Variants in PTPRD observed in about 807,000 individuals in gnomAD.
PTPRD encodes protein tyrosine phosphatase receptor type D.
Under a neutral mutation model 214.5 loss-of-function variants are expected in PTPRD, and 34 were observed. The observed-to-expected ratio is 0.16, with a 90% CI of 0.12 to 0.21. The LOEUF is 0.21. PTPRD is among the 10% of genes least tolerant of loss of function. The probability of loss-of-function intolerance (pLI) is 1.00; values close to 1 mark genes in which losing one functional copy is unlikely to be tolerated. For missense variants in PTPRD, 2,545 were observed against 2,398.7 expected (o/e 1.06, Z -1.27); for synonymous variants, 1,128 against 845.7 (o/e 1.33, Z -5.79).
chr9:10,279,005 GCC>G (rs2094922465), intron 3 of PTPRD, among the ~76,000 whole-genome samples: 1 of 151,958 alleles, frequency 6.6e-6, no homozygotes. Flanking sequence ...CGATCTCCTG[GCC>G]TCGTGATCTG....
chr9:10,503,805 G>A (rs1249028998), intron 2 of PTPRD, among the ~76,000 whole-genome samples: 1 of 151,870 alleles, frequency 6.6e-6, no homozygotes, highest in African/African-American at 2.4e-5. Context: ...GGTAAGGAAA[G>A]AGACTGTAAT....
At chr9:9,593,099 A>C (rs2092910433) in intron 7 of PTPRD, among the ~76,000 whole-genome samples, 1 of 150,620 alleles carries the variant, frequency 6.6e-6, no homozygotes, top group Non-Finnish European at 1.5e-5. Flanking sequence ...GAAGAAAGAC[A>C]GAGAGAGAGA....
At chr9:9,106,365 A>C (rs1408022029) in intron 10 of PTPRD, among the ~76,000 whole-genome samples, 1 of 151,952 alleles carries the variant, frequency 6.6e-6, no homozygotes, top group East Asian at 1.9e-4. Flanking sequence ...GATTCTTATA[A>C]ATATTAATAC....
chr9:10,528,319 C>T (rs143286231), intron 2 of PTPRD, among the ~76,000 whole-genome samples: 180 of 152,252 alleles, frequency 1.2e-3, no homozygotes, highest in African/African-American at 4.1e-3. Context: ...TCTGGACCTC[C>T]CCATCTCCAG....
At chr9:9,273,247 T>G (rs910138875) in intron 9 of PTPRD, among the ~76,000 whole-genome samples, 1 of 151,276 alleles carries the variant, frequency 6.6e-6, no homozygotes, top group Non-Finnish European at 1.5e-5. Context: ...AACTACCAAA[T>G]AAATGGAACT....
Position 8,436,680 on chromosome 9 carries a change from C to G in PTPRD, c.3998G>C (p.Ser1333Thr). The G allele has an allele frequency of 2.5e-6, 4 of 1,611,090 alleles. No homozygotes were observed. Among genetic ancestry groups the G allele is most frequent in the Non-Finnish European group, 3.4e-6 (4 of 1,178,632 alleles). The part of the protein sequence containing the change: ...RLNFQTPGMA[S>T]HPPIPILELA... ...TTCCAAGATGGGTATTGGAGGATGG[C>G]TAGCCATACCTATTGAAAAAAGCAA... Residue 1333 changes from serine (S) to threonine (T), a missense_variant, in exon 35 of 46, where the codon AGC (serine) becomes ACC (threonine). By Grantham distance (58) the Ser-to-Thr change is moderately conservative. Transcript: ENST00000381196.
At chr9:8,832,665 G>A (rs984278973) in intron 11 of PTPRD, among the ~76,000 whole-genome samples, 5 of 152,024 alleles carry the variant, frequency 3.3e-5, no homozygotes, top group Non-Finnish European at 7.4e-5. Context: ...TGGTCACACT[G>A]CAGGATCACA....
At chr9:8,371,591 T>C (rs2081541641) in intron 39 of PTPRD, among the ~76,000 whole-genome samples, 1 of 152,052 alleles carries the variant, frequency 6.6e-6, no homozygotes, top group African/African-American at 2.4e-5. Flanking sequence ...TAAAGCAATG[T>C]CATAAATGTG....
chr9:10,604,874 G>C (rs114885736), intron 2 of PTPRD, among the ~76,000 whole-genome samples: 58 of 151,928 alleles, frequency 3.8e-4, no homozygotes, highest in African/African-American at 1.4e-3. Context: ...AAATTTACAG[G>C]TATAAAAGTT....
At chr9:8,924,389 G>A (rs2098849977) in intron 11 of PTPRD, among the ~76,000 whole-genome samples, 1 of 152,164 alleles carries the variant, frequency 6.6e-6, no homozygotes, top group African/African-American at 2.4e-5. Flanking sequence ...CTAGTCCTTG[G>A]TGGGATAGAA....
At chr9:9,738,461 T>TTTTTTTA (rs34324872) in intron 6 of PTPRD, among the ~76,000 whole-genome samples, 5 of 136,124 alleles carry the variant, frequency 3.7e-5, no homozygotes, top group African/African-American at 5.2e-5. Flanking sequence ...TTTTTTTTTT[T>TTTTTTTA]GAGATGGAGT....
In PTPRD at chr9:8,738,172, G is replaced by A. The variant is rs1009377055; in HGVS notation, c.-103-4226C>T. 3.9e-5 allele frequency among the ~76,000 whole-genome samples: 6 copies of A among 152,072 alleles called. 1 individual carries two copies. Among genetic ancestry groups the A allele is most frequent in the Admixed American group, 2.6e-4 (4 of 15,268 alleles). On this transcript the variant is annotated intron_variant, in intron 11 of 45. Coordinates refer to ENST00000381196, the MANE Select transcript of PTPRD (RefSeq NM_002839.4). ...AAACTAACAGTTCAGAGGGCAATACGATGCATGTAATATAATTTGAAATGG... is the reference window on the plus strand; with the variant it reads ...AAACTAACAGTTCAGAGGGCAATACAATGCATGTAATATAATTTGAAATGG...
At chr9:9,019,312 GAAAGA>G (rs2099551844) in intron 10 of PTPRD, among the ~76,000 whole-genome samples, 1 of 109,590 alleles carries the variant, frequency 9.1e-6, no homozygotes, top group African/African-American at 3.8e-5. Flanking sequence ...AAGAAAGAAA[GAAAGA>G]AAGAAAGAAA....
intron 5 of PTPRD, among the ~76,000 whole-genome samples, chr9:9,810,374 T>C (rs1256353794): frequency 6.6e-6 from 1 of 152,082 alleles, no homozygotes; most frequent in Non-Finnish European, 1.5e-5. Context: ...AATACCTGGC[T>C]TCAAAGCTTC....
intron 11 of PTPRD, among the ~76,000 whole-genome samples, chr9:8,997,635 C>T (rs890612163): frequency 2.6e-5 from 4 of 151,998 alleles, no homozygotes; most frequent in African/African-American, 7.2e-5. Context: ...CCATTAATAA[C>T]CTATAATGGC....
At chr9:10,327,568 G>C (rs924623387) in intron 3 of PTPRD, among the ~76,000 whole-genome samples, 1 of 151,516 alleles carries the variant, frequency 6.6e-6, no homozygotes, top group Admixed American at 6.6e-5. Flanking sequence ...CCGTTTCCTG[G>C]AGAAACATAA....
intron 21 of PTPRD, among the ~76,000 whole-genome samples, chr9:8,514,657 G>C (rs1188485179): frequency 6.6e-6 from 1 of 151,610 alleles, no homozygotes; most frequent in Non-Finnish European, 1.5e-5. Context: ...TGAAACAATT[G>C]CGTTTTTCTC....
At chr9:10,126,454 CACACACACAT>C (rs1417713906) in intron 3 of PTPRD, among the ~76,000 whole-genome samples, 1 of 147,908 alleles carries the variant, frequency 6.8e-6, no homozygotes, top group African/African-American at 2.4e-5. Context: ...CACACACACA[CACACACACAT>C]TGATATATAT....
intron 2 of PTPRD, among the ~76,000 whole-genome samples, chr9:10,522,256 C>A (rs1406453589): frequency 6.6e-6 from 1 of 152,052 alleles, no homozygotes; most frequent in East Asian, 1.9e-4. Context: ...AATGCCAGGG[C>A]CAATATCTGC....
Sources: allele counts gnomAD v4.1 joint callset (sites outside exome capture counted in the v4.1 genomes callset), GRCh38; gene constraint gnomAD v4.1.1; transcripts MANE v1.5; gene names NCBI Gene and HGNC (gene_info 2026-07-23, HGNC 2026-07-21).